SAMD3: variants seen among roughly 807,000 people sequenced by gnomAD.
SAMD3 encodes sterile alpha motif domain containing 3.
Under a neutral mutation model 58.5 loss-of-function variants are expected in SAMD3, and 63 were observed. That is an observed-to-expected ratio of 1.08 (90% CI 0.88 to 1.33). The LOEUF (loss-of-function observed/expected upper bound fraction) is 1.33, where lower values mean the gene tolerates loss of function less well. SAMD3 is among the 40% of genes most tolerant of loss of function. SAMD3 has a pLI of 0.00. For missense variants in SAMD3, 604 were observed against 608.4 expected, an observed-to-expected ratio of 0.99 and a Z score of 0.08; for synonymous variants, 220 against 210.3, an observed-to-expected ratio of 1.05 and a Z score of -0.40.
At chr6:130,286,418 C>G (rs1284478585) in intron 2 of SAMD3, among the ~76,000 whole-genome samples, 1 of 152,192 alleles carries the variant, frequency 6.6e-6, no homozygotes, top group African/African-American at 2.4e-5. Context: ...GCTGAAGCTT[C>G]AAAGGGATGT....
intron 2 of SAMD3, among the ~76,000 whole-genome samples, chr6:130,264,241 G>T (rs1169938086): frequency 6.6e-6 from 1 of 152,150 alleles, no homozygotes; most frequent in Non-Finnish European, 1.5e-5. Flanking sequence ...AGCTCTCTGT[G>T]TTCTATCCCG....
chr6:130,283,806 A>C (rs1019798789), intron 2 of SAMD3, among the ~76,000 whole-genome samples: 1 of 152,188 alleles, frequency 6.6e-6, no homozygotes, highest in East Asian at 1.9e-4. Context: ...GTAAGCAAAG[A>C]AACTAGTAAA....
intron 1 of SAMD3, among the ~76,000 whole-genome samples, chr6:130,348,451 T>G (rs1230899239): frequency 3.9e-5 from 6 of 152,034 alleles, no homozygotes; most frequent in African/African-American, 1.4e-4. Flanking sequence ...AAACACACTT[T>G]AAACCAACAA....
chr6:130,248,877 G>C (rs73607936), intron 2 of SAMD3, among the ~76,000 whole-genome samples: 2,560 of 152,254 alleles, frequency 0.017, 74 homozygotes, highest in African/African-American at 0.058. Flanking sequence ...TCTAGGAAAT[G>C]TTAAATTAAT....
chr6:130,259,680 C>A (rs1433918511), intron 2 of SAMD3, among the ~76,000 whole-genome samples: 1 of 152,118 alleles, frequency 6.6e-6, no homozygotes, highest in Non-Finnish European at 1.5e-5. Context: ...GAGCACAAAA[C>A]CTGGACTCAA....
intron 1 of SAMD3, among the ~76,000 whole-genome samples, chr6:130,350,846 CA>C (rs1354894907): frequency 6.6e-6 from 1 of 152,136 alleles, no homozygotes; most frequent in Non-Finnish European, 1.5e-5. Context: ...CTACAGTAAC[CA>C]AAACAGCATG....
intron 1 of SAMD3, among the ~76,000 whole-genome samples, chr6:130,221,282 AAG>A (rs1796214643): frequency 6.6e-6 from 1 of 152,354 alleles, no homozygotes; most frequent in African/African-American, 2.4e-5. Flanking sequence ...AAAAATTAAA[AAG>A]AGTTTAAAAT....
At chr6:130,200,400 T>G (rs1190550091) in intron 5 of SAMD3, among the ~76,000 whole-genome samples, 3 of 120,062 alleles carry the variant, frequency 2.5e-5, no homozygotes, top group Non-Finnish European at 3.6e-5. Flanking sequence ...AAAAAAAAAA[T>G]TAGCCGGGCG....
chr6:130,203,514 T>A (rs1157085209), intron 5 of SAMD3, among the ~76,000 whole-genome samples: 1 of 152,248 alleles, frequency 6.6e-6, no homozygotes, highest in Non-Finnish European at 1.5e-5. Flanking sequence ...TTTAGCTCTA[T>A]GATTGAATCA....
intron 8 of SAMD3, among the ~76,000 whole-genome samples, chr6:130,172,164 A>G (rs2114655069): frequency 6.6e-6 from 1 of 152,162 alleles, no homozygotes; most frequent in South Asian, 2.1e-4. Flanking sequence ...TCTTTATCCA[A>G]TTTGCCAGTC....
chr6:130,348,362 A>C (rs1442653644), intron 1 of SAMD3, among the ~76,000 whole-genome samples: 3 of 152,218 alleles, frequency 2.0e-5, no homozygotes, highest in East Asian at 1.9e-4. Context: ...ACATAGGCTC[A>C]AAATAAAGGG....
intron 4 of SAMD3, among the ~76,000 whole-genome samples, chr6:130,213,838 T>C (rs143422612): frequency 6.6e-6 from 1 of 152,120 alleles, no homozygotes; most frequent in African/African-American, 2.4e-5. Context: ...TCTTAAAAAA[T>C]TAGAATACTC....
At chr6:130,261,224 T>C (rs1774123743) in intron 2 of SAMD3, among the ~76,000 whole-genome samples, 1 of 104,836 alleles carries the variant, frequency 9.5e-6, no homozygotes, top group Admixed American at 9.9e-5. Context: ...TGGTTTTGGT[T>C]TTGACTTGGT....
At chr6:130,202,050 T>G (rs1794693919) in intron 5 of SAMD3, among the ~76,000 whole-genome samples, 1 of 152,216 alleles carries the variant, frequency 6.6e-6, no homozygotes, top group South Asian at 2.1e-4. Context: ...CCATGGGGTA[T>G]AGTCAGTAAT....
chr6:130,195,754 A>G (rs1267864818), intron 5 of SAMD3, among the ~76,000 whole-genome samples: 1 of 152,008 alleles, frequency 6.6e-6, no homozygotes, highest in East Asian at 1.9e-4. Context: ...TTTCTTCCTC[A>G]TCTGTTACCT....
Position 130,342,259 on chromosome 6 carries a change from T to C in SAMD3, c.-304+22861A>G, listed in dbSNP as rs149359854. ...AACTAGAGATTTAAAGCCTTGTTTT[T>C]GTTTTAACAAGATGTTGCTTACAAA... On this transcript the variant is annotated intron_variant, in intron 1 of 13. Transcript: ENST00000368134. Among the ~76,000 whole-genome samples the C allele has an allele frequency of 4.4e-3, 664 of 152,384 alleles. 5 individuals are homozygous for C. Among genetic ancestry groups the C allele is most frequent in the African/African-American group, 0.015 (621 of 41,600 alleles).
chr6:130,328,358 C>G (rs1562524868), intron 1 of SAMD3, among the ~76,000 whole-genome samples: 1 of 152,148 alleles, frequency 6.6e-6, no homozygotes, highest in African/African-American at 2.4e-5. Flanking sequence ...TGTCTACTAC[C>G]TAGAGGCTCT....
chr6:130,317,450 C>T (rs554210835), intron 1 of SAMD3, among the ~76,000 whole-genome samples: 125 of 152,252 alleles, frequency 8.2e-4, no homozygotes, highest in African/African-American at 3.0e-3. Context: ...TCTCTCCTAA[C>T]AGAGGAGATA....
intron 8 of SAMD3, chr6:130,162,094 T>A: frequency 1.9e-6 from 1 of 538,890 alleles, no homozygotes; most frequent in Non-Finnish European, 3.3e-6. Flanking sequence ...AACCAGAACA[T>A]TAACTTGAGT....
Sources: gnomAD v4.1 joint callset for allele counts (sites outside exome capture counted in the v4.1 genomes callset) on GRCh38, gnomAD v4.1.1 for gene constraint, MANE v1.5 for transcripts, NCBI Gene and HGNC (gene_info 2026-07-23, HGNC 2026-07-21) for gene names.